KAZN: variants seen among roughly 807,000 people sequenced by gnomAD.
The protein encoded by KAZN is kazrin.
A neutral mutation model predicts 87.4 loss-of-function variants in KAZN; 40 were observed. That is an observed-to-expected ratio of 0.46 (90% CI 0.36 to 0.60). The LOEUF is 0.60. Among genes scored for constraint, KAZN ranks in the 20% least tolerant of loss-of-function variants. The probability of loss-of-function intolerance (pLI) is 0.00; values close to 1 mark genes in which losing one functional copy is unlikely to be tolerated. For missense variants in KAZN, 898 were observed against 1,073.9 expected (o/e 0.84, Z 2.29); for synonymous variants, 466 against 458.3 (o/e 1.02, Z -0.22).
intron 1 of KAZN, among the ~76,000 whole-genome samples, chr1:14,784,162 C>G (rs1645436543): frequency 6.6e-6 from 1 of 152,182 alleles, no homozygotes; most frequent in Non-Finnish European, 1.5e-5. Context: ...GGAGTTTCTT[C>G]TTTATCAAGG....
At chr1:14,090,931 G>A (rs887179813) in intron 1 of KAZN, among the ~76,000 whole-genome samples, 1 of 151,978 alleles carries the variant, frequency 6.6e-6, no homozygotes, top group Non-Finnish European at 1.5e-5. Context: ...GGCCAACATG[G>A]TGAAACCCTG....
chr1:13,923,375 C>A (rs796533567), intron 1 of KAZN, among the ~76,000 whole-genome samples: 32 of 151,972 alleles, frequency 2.1e-4, no homozygotes, highest in African/African-American at 7.2e-4. Context: ...AGATTGAGAC[C>A]ATCCTGGCTA....
At chr1:15,043,347 A>C (rs1158838546) in intron 3 of KAZN, among the ~76,000 whole-genome samples, 2 of 152,216 alleles carry the variant, frequency 1.3e-5, no homozygotes, top group East Asian at 3.8e-4. Context: ...TATTTCCCGC[A>C]CGTGAAGTCA....
intron 1 of KAZN, among the ~76,000 whole-genome samples, chr1:14,847,985 C>CAAAAA (rs1428750455): frequency 1.2e-4 from 18 of 151,788 alleles, no homozygotes; most frequent in African/African-American, 4.1e-4. Flanking sequence ...GTCTCAAAAA[C>CAAAAA]AAAAACAAAA....
chr1:14,671,901 G>A (rs762497131), intron 1 of KAZN, among the ~76,000 whole-genome samples: 1 of 152,100 alleles, frequency 6.6e-6, no homozygotes. Flanking sequence ...CCTCTTTTTA[G>A]AACATTCCAT....
intron 2 of KAZN, among the ~76,000 whole-genome samples, chr1:14,373,077 T>C (rs1387849641): frequency 6.6e-6 from 1 of 152,018 alleles, no homozygotes; most frequent in Admixed American, 6.6e-5. Context: ...GGAGGGACTA[T>C]AATTCATAAA....
intron 2 of KAZN, among the ~76,000 whole-genome samples, chr1:14,335,252 G>T (rs1217151114): frequency 2.0e-5 from 3 of 149,752 alleles, no homozygotes; most frequent in African/African-American, 7.4e-5. Flanking sequence ...ACCCAGGCTA[G>T]AATGTAGTGG....
chr1:14,935,462 G>A (rs1029729090), intron 1 of KAZN, among the ~76,000 whole-genome samples: 8 of 147,814 alleles, frequency 5.4e-5, no homozygotes, highest in Middle Eastern at 3.4e-3. Flanking sequence ...AAGGTGTGCC[G>A]CCAGGACCAG....
intron 1 of KAZN, among the ~76,000 whole-genome samples, chr1:14,875,089 T>C (rs2101074685): frequency 6.6e-6 from 1 of 152,110 alleles, no homozygotes; most frequent in Non-Finnish European, 1.5e-5. Context: ...CCCAGCACTT[T>C]GGGAGGCTGA....
chr1:14,140,517 A>T (rs1645212610), intron 1 of KAZN, among the ~76,000 whole-genome samples: 1 of 152,054 alleles, frequency 6.6e-6, no homozygotes, highest in Non-Finnish European at 1.5e-5. Flanking sequence ...ATTTAGAGGG[A>T]GGGAGGCCTT....
intron 2 of KAZN, among the ~76,000 whole-genome samples, chr1:14,552,218 C>T (rs12738424): frequency 1.3e-5 from 2 of 151,974 alleles, no homozygotes; most frequent in Non-Finnish European, 2.9e-5. Flanking sequence ...CTCCCTTTGC[C>T]ACCATCCTCC....
At chr1:14,193,015 G>T (rs919654798) in intron 2 of KAZN, among the ~76,000 whole-genome samples, 1 of 152,126 alleles carries the variant, frequency 6.6e-6, no homozygotes, top group Non-Finnish European at 1.5e-5. Flanking sequence ...CCAGATGAAG[G>T]TGATTGGATC....
intron 1 of KAZN, among the ~76,000 whole-genome samples, chr1:14,895,478 C>T (rs1655165804): frequency 6.6e-6 from 1 of 152,232 alleles, no homozygotes; most frequent in Non-Finnish European, 1.5e-5. Context: ...CCCAAGCCTC[C>T]ACAGCCCATC....
At chr1:14,407,725 CA>C (rs1663977824) in intron 2 of KAZN, among the ~76,000 whole-genome samples, 3 of 148,184 alleles carry the variant, frequency 2.0e-5, no homozygotes, top group African/African-American at 7.3e-5. Context: ...AAGTTCTTAA[CA>C]AATGATGGAC....
At chr1:14,454,203 TTTGA>T (rs1437619406) in intron 2 of KAZN, among the ~76,000 whole-genome samples, 2 of 152,026 alleles carry the variant, frequency 1.3e-5, no homozygotes, top group Non-Finnish European at 2.9e-5. Flanking sequence ...AAGAGAGGGG[TTTGA>T]TTGTTATTTT....
chr1:14,056,882 CA>C (rs1187576781), intron 1 of KAZN, among the ~76,000 whole-genome samples: 1 of 151,942 alleles, frequency 6.6e-6, no homozygotes, highest in African/African-American at 2.4e-5. Context: ...ATTCAGATTT[CA>C]AAATCAGTCT....
At chr1:14,971,999 G>C (rs1480071628) in intron 2 of KAZN, among the ~76,000 whole-genome samples, 2 of 152,090 alleles carry the variant, frequency 1.3e-5, no homozygotes, top group Non-Finnish European at 1.5e-5. Context: ...CTGTCTTTAC[G>C]GTAGGGGCAG....
At chr1:14,095,406 C>T (rs578140935) in intron 1 of KAZN, among the ~76,000 whole-genome samples, 6 of 152,230 alleles carry the variant, frequency 3.9e-5, no homozygotes, top group Non-Finnish European at 8.8e-5. Context: ...TATCAGTTAT[C>T]TGTTGCTATA....
chr1:14,619,926 A>G (rs1678558945), intron 1 of KAZN, among the ~76,000 whole-genome samples: 1 of 152,186 alleles, frequency 6.6e-6, no homozygotes, highest in Admixed American at 6.5e-5. Context: ...CATGATATCC[A>G]TTCATTTATT....
Sources: gnomAD v4.1 joint callset for allele counts (sites outside exome capture counted in the v4.1 genomes callset) on GRCh38, gnomAD v4.1.1 for gene constraint, MANE v1.5 for transcripts, NCBI Gene and HGNC (gene_info 2026-07-23, HGNC 2026-07-21) for gene names.